The following PIK3C2G variants were observed in gnomAD, a reference collection of about 807,000 sequenced individuals.
The protein encoded by PIK3C2G is phosphatidylinositol-4-phosphate 3-kinase catalytic subunit type 2 gamma.
Under a neutral mutation model 181.1 loss-of-function variants are expected in PIK3C2G, and 168 were observed. That is an observed-to-expected ratio of 0.93 (90% CI 0.82 to 1.05). PIK3C2G has a LOEUF of 1.05. PIK3C2G is among the 50% of genes least tolerant of loss of function. PIK3C2G has a pLI of 0.00. For synonymous variants in PIK3C2G, 573 were observed against 592.2 expected (o/e 0.97, Z 0.47); for missense variants, 1,869 against 1,732.8 (o/e 1.08, Z -1.40).
intron 20 of PIK3C2G, among the ~76,000 whole-genome samples, chr12:18,495,519 CT>C (rs1172239803): frequency 6.6e-6 from 1 of 152,060 alleles, no homozygotes; most frequent in African/African-American, 2.4e-5. Context: ...TAAAAGGTAT[CT>C]TATATCCGTT....
chr12:18,699,336 C>T, the PIK3C2G span, among the ~76,000 whole-genome samples: 1 of 152,164 alleles, frequency 6.6e-6, no homozygotes, highest in Non-Finnish European at 1.5e-5. Context: ...ATCTTTATTA[C>T]CGCCTTCCTG....
At chr12:18,586,650 A>G (rs1434492077) in intron 29 of PIK3C2G, among the ~76,000 whole-genome samples, 1 of 152,158 alleles carries the variant, frequency 6.6e-6, no homozygotes, top group Non-Finnish European at 1.5e-5. Context: ...TTTAAAGAAG[A>G]GCTGTAAAAT....
At chr12:18,360,410 T>A (rs1273709124) in intron 11 of PIK3C2G, among the ~76,000 whole-genome samples, 2 of 152,194 alleles carry the variant, frequency 1.3e-5, no homozygotes, top group African/African-American at 4.8e-5. Flanking sequence ...GTAATTTATT[T>A]AGCACCATTA....
the PIK3C2G span, among the ~76,000 whole-genome samples, chr12:18,716,122 G>A: frequency 1.8e-4 from 27 of 152,172 alleles, no homozygotes; most frequent in Non-Finnish European, 2.9e-4. Flanking sequence ...TAATTTCTAT[G>A]GAAGAATGTT....
chr12:18,300,368 G>A (rs1272408168), intron 5 of PIK3C2G, among the ~76,000 whole-genome samples: 3 of 151,942 alleles, frequency 2.0e-5, no homozygotes, highest in South Asian at 4.1e-4. Flanking sequence ...TGTTATTGGA[G>A]ACAAACCTTA....
chr12:18,434,290 C>A (rs1210641765), intron 18 of PIK3C2G, among the ~76,000 whole-genome samples: 1 of 152,120 alleles, frequency 6.6e-6, no homozygotes, highest in Non-Finnish European at 1.5e-5. Context: ...TAGACCCCCA[C>A]CTGTCAATAC....
intron 1 of PIK3C2G, among the ~76,000 whole-genome samples, chr12:18,252,819 G>T (rs1036685401): frequency 2.6e-5 from 4 of 152,152 alleles, no homozygotes; most frequent in African/African-American, 9.6e-5. Flanking sequence ...CTTCAGGGGA[G>T]AAGGGCAGGA....
chr12:18,671,297 A>T, the PIK3C2G span, among the ~76,000 whole-genome samples: 1 of 152,164 alleles, frequency 6.6e-6, no homozygotes, highest in Non-Finnish European at 1.5e-5. Flanking sequence ...ACTGCTATGC[A>T]CCATACAGAG....
At chr12:18,723,379 T>C in the PIK3C2G span, 1 of 1,613,050 alleles carries the variant, frequency 6.2e-7, no homozygotes, top group Non-Finnish European at 8.5e-7. Context: ...AGCTGCATAT[T>C]GTTCTTGTGT....
intron 6 of PIK3C2G, among the ~76,000 whole-genome samples, chr12:18,314,963 G>A (rs1405200162): frequency 1.3e-5 from 2 of 152,122 alleles, no homozygotes; most frequent in Non-Finnish European, 1.5e-5. Flanking sequence ...TGTTAGATGC[G>A]AATTTTATTC....
chr12:18,635,802 C>G (rs1422923700), intron 31 of PIK3C2G, among the ~76,000 whole-genome samples: 2 of 152,180 alleles, frequency 1.3e-5, no homozygotes, highest in African/African-American at 4.8e-5. Flanking sequence ...TTTCAGGTCA[C>G]TCAGCAAATG....
intron 13 of PIK3C2G, among the ~76,000 whole-genome samples, chr12:18,377,614 G>A (rs917030349): frequency 4.6e-5 from 7 of 152,130 alleles, no homozygotes; most frequent in Non-Finnish European, 7.4e-5. Flanking sequence ...AAAAAGTTAA[G>A]TTAATAAAGG....
intron 31 of PIK3C2G, among the ~76,000 whole-genome samples, chr12:18,635,455 C>G (rs188386621): frequency 1.3e-5 from 2 of 152,168 alleles, no homozygotes; most frequent in African/African-American, 4.8e-5. Flanking sequence ...CCATCCAATT[C>G]GTGATGGGCA....
intron 24 of PIK3C2G, among the ~76,000 whole-genome samples, chr12:18,534,670 A>C (rs1218687552): frequency 7.6e-6 from 1 of 131,228 alleles, no homozygotes; most frequent in Non-Finnish European, 1.6e-5. Flanking sequence ...TGCTCTTGAA[A>C]ATCATACGGG....
chr12:18,642,749 T>C (rs1408413497), intron 32 of PIK3C2G, among the ~76,000 whole-genome samples: 1 of 151,912 alleles, frequency 6.6e-6, no homozygotes, highest in Non-Finnish European at 1.5e-5. Context: ...TCTAAAATGA[T>C]GTGTAATAAA....
chr12:18,593,703 C>T (rs1947204968), intron 29 of PIK3C2G, among the ~76,000 whole-genome samples: 2 of 151,890 alleles, frequency 1.3e-5, no homozygotes, highest in South Asian at 4.1e-4. Context: ...TGTTCTCAGA[C>T]TTCCCAGTTA....
At chr12:18,521,530 A>G (rs989098130) in intron 24 of PIK3C2G, among the ~76,000 whole-genome samples, 1 of 152,178 alleles carries the variant, frequency 6.6e-6, no homozygotes, top group African/African-American at 2.4e-5. Flanking sequence ...CACTCTGGCC[A>G]CAGTCTGCCA....
At chr12:18,655,228 G>A in the PIK3C2G span, among the ~76,000 whole-genome samples, 1 of 152,102 alleles carries the variant, frequency 6.6e-6, no homozygotes, top group Non-Finnish European at 1.5e-5. Context: ...ATCAACTGCA[G>A]CTTCAGGTAA....
the PIK3C2G span, chr12:18,692,674 T>C: frequency 1.6e-5 from 11 of 675,602 alleles, no homozygotes; most frequent in East Asian, 3.0e-4. Context: ...CATTTCTACA[T>C]TGAAATCAGT....
Sources: gnomAD v4.1 joint callset for allele counts (sites outside exome capture counted in the v4.1 genomes callset) on GRCh38, gnomAD v4.1.1 for gene constraint, MANE v1.5 for transcripts, NCBI Gene and HGNC (gene_info 2026-07-23, HGNC 2026-07-21) for gene names.